Variants in MALRD1 observed in about 807,000 individuals in gnomAD.
The protein encoded by MALRD1 is MAM and LDL-receptor class A domain-containing protein 1.
In MALRD1, 247 loss-of-function variants were observed where a neutral mutation model predicts 242.1. The observed-to-expected ratio is 1.02, with a 90% CI of 0.92 to 1.13. MALRD1 has a LOEUF of 1.13. MALRD1 is among the 50% of genes most tolerant of loss of function. The probability of loss-of-function intolerance (pLI) is 0.00; values close to 1 mark genes in which losing one functional copy is unlikely to be tolerated. For missense variants in MALRD1, 2,989 were observed against 2,533.1 expected (o/e 1.18, Z -3.86); for synonymous variants, 995 against 866.6 (o/e 1.15, Z -2.60).
intron 7 of MALRD1, among the ~76,000 whole-genome samples, chr10:19,125,887 C>G (rs927059592): frequency 1.3e-5 from 2 of 151,790 alleles, no homozygotes; most frequent in Non-Finnish European, 2.9e-5. Flanking sequence ...TTATGCTTTC[C>G]TTCTTGGTTC....
chr10:19,366,975 T>A (rs1845136992), intron 26 of MALRD1, among the ~76,000 whole-genome samples: 1 of 152,160 alleles, frequency 6.6e-6, no homozygotes, highest in African/African-American at 2.4e-5. Flanking sequence ...CCAATTTGCA[T>A]TTAAAATTTT....
At chr10:19,476,035 A>G (rs1389623369) in intron 29 of MALRD1, among the ~76,000 whole-genome samples, 1 of 152,206 alleles carries the variant, frequency 6.6e-6, no homozygotes, top group Non-Finnish European at 1.5e-5. Flanking sequence ...AATAGATGCA[A>G]TTAATAGTTA....
At chr10:19,571,969 A>T (rs1366357039) in intron 33 of MALRD1, among the ~76,000 whole-genome samples, 5 of 152,310 alleles carry the variant, frequency 3.3e-5, no homozygotes, top group African/African-American at 9.6e-5. Context: ...TCAACCTCGT[A>T]TTAGGTGTTT....
intron 21 of MALRD1, among the ~76,000 whole-genome samples, chr10:19,314,013 A>G (rs991646396): frequency 6.6e-6 from 1 of 151,580 alleles, no homozygotes; most frequent in African/African-American, 2.4e-5. Context: ...CAAAATCAAG[A>G]TGCCTTACTT....
intron 36 of MALRD1, among the ~76,000 whole-genome samples, chr10:19,645,170 C>T (rs941501610): frequency 6.6e-6 from 1 of 151,842 alleles, no homozygotes; most frequent in Non-Finnish European, 1.5e-5. Flanking sequence ...AAATCAAAAC[C>T]GCAATGAGAT....
Position 19,434,878 on chromosome 10 carries a change from G to T in MALRD1, c.4846-15429G>T, listed in dbSNP as rs548912808. On this transcript the variant is annotated intron_variant, in intron 28 of 39. Transcript: ENST00000454679. ...TTTTTATTTATTATTTGCATGGTCT[G>T]CCTTAAACATAGCTTAAGGTTTAAT... Among the ~76,000 whole-genome samples the T allele has an allele frequency of 7.3e-5, 11 of 151,696 alleles. No individual in the cohort carries two copies. The South Asian group carries it at 2.3e-3, about 31-fold the overall frequency.
chr10:19,214,423 A>G (rs1036974042), intron 18 of MALRD1, among the ~76,000 whole-genome samples: 2 of 152,088 alleles, frequency 1.3e-5, no homozygotes, highest in African/African-American at 4.8e-5. Context: ...AGTTCTTGTT[A>G]CTCCATCATG....
chr10:19,335,843 T>C (rs1002608791), intron 24 of MALRD1, among the ~76,000 whole-genome samples: 2 of 152,160 alleles, frequency 1.3e-5, no homozygotes, highest in Non-Finnish European at 2.9e-5. Flanking sequence ...CTGGGGTATA[T>C]GTGCAGAACA....
chr10:19,272,555 G>A (rs11009227), intron 19 of MALRD1, among the ~76,000 whole-genome samples: 20,037 of 152,122 alleles, frequency 0.13, 1,654 homozygotes, highest in Admixed American at 0.27. Context: ...CGGGATACAT[G>A]TGTAGAACGT....
At chr10:19,232,750 C>G (rs1285913717) in intron 18 of MALRD1, among the ~76,000 whole-genome samples, 1 of 152,092 alleles carries the variant, frequency 6.6e-6, no homozygotes, top group Non-Finnish European at 1.5e-5. Context: ...AGTATACATA[C>G]AAGCATGCAG....
At chr10:19,072,746 T>G (rs879614103) in intron 2 of MALRD1, among the ~76,000 whole-genome samples, 4 of 152,154 alleles carry the variant, frequency 2.6e-5, no homozygotes, top group Non-Finnish European at 5.9e-5. Context: ...AGCTTTATTA[T>G]GCTATTATTT....
At chr10:19,412,670 ATGAACTCATGG>A (rs1050062213) in intron 28 of MALRD1, among the ~76,000 whole-genome samples, 7 of 152,200 alleles carry the variant, frequency 4.6e-5, no homozygotes, top group Non-Finnish European at 2.9e-5. Context: ...CCTGCACATG[ATGAACTCATGG>A]TGAAAAATGA....
At chr10:19,495,508 A>T (rs749839114) in intron 30 of MALRD1, among the ~76,000 whole-genome samples, 1 of 152,120 alleles carries the variant, frequency 6.6e-6, no homozygotes, top group Non-Finnish European at 1.5e-5. Flanking sequence ...ACTAAACTTC[A>T]TAAATGAAGG....
chr10:19,188,668 C>T lies in MALRD1; in HGVS notation c.1951+13340C>T, dbSNP rs74118838. Among the ~76,000 whole-genome samples, 1,025 of 152,208 alleles carry T rather than the reference C, an allele frequency of 6.7e-3. 18 individuals are homozygous for T. Among genetic ancestry groups the T allele is most frequent in the African/African-American group, 0.024 (982 of 41,538 alleles). ...GATATGTGCAAATCTTTATGTTCAA[C>T]GGAAGATCACTACAGCTCAGCTGTT... On this transcript the variant is annotated intron_variant, in intron 14 of 39. Transcript: ENST00000454679.
At chr10:19,486,306 A>G (rs533486111) in intron 29 of MALRD1, among the ~76,000 whole-genome samples, 3 of 152,300 alleles carry the variant, frequency 2.0e-5, no homozygotes, top group Non-Finnish European at 2.9e-5. Flanking sequence ...CTGCTCACTC[A>G]TGAACATCTT....
intron 21 of MALRD1, among the ~76,000 whole-genome samples, chr10:19,322,149 TTAAA>T (rs1165322445): frequency 3.9e-5 from 6 of 152,102 alleles, no homozygotes; most frequent in African/African-American, 1.2e-4. Flanking sequence ...GATTTACAGG[TTAAA>T]TAAATCATAT....
At chr10:19,695,484 GAAGGCAAAAGAGAAGCA>G (rs1212270329) in intron 38 of MALRD1, among the ~76,000 whole-genome samples, 1 of 150,750 alleles carries the variant, frequency 6.6e-6, no homozygotes, top group Non-Finnish European at 1.5e-5. Flanking sequence ...AATCATGGTA[GAAGGCAAAAGAGAAGCA>G]AAGGCATGTT....
intron 5 of MALRD1, among the ~76,000 whole-genome samples, chr10:19,117,939 G>A (rs1280166595): frequency 6.6e-6 from 1 of 151,056 alleles, no homozygotes; most frequent in Admixed American, 6.8e-5. Context: ...TCGTGTGATA[G>A]CGGTGAAAAA....
intron 29 of MALRD1, among the ~76,000 whole-genome samples, chr10:19,478,457 G>T (rs1316439354): frequency 2.0e-5 from 3 of 152,048 alleles, no homozygotes; most frequent in African/African-American, 7.2e-5. Flanking sequence ...TATTAATTAA[G>T]ACTAAACACA....
Sources: allele counts gnomAD v4.1 joint callset (sites outside exome capture counted in the v4.1 genomes callset), GRCh38; gene constraint gnomAD v4.1.1; transcripts MANE v1.5; gene names NCBI Gene and HGNC (gene_info 2026-07-23, HGNC 2026-07-21).